PDE1A: variants seen among roughly 807,000 people sequenced by gnomAD.
PDE1A encodes dual specificity calcium/calmodulin-dependent 3',5'-cyclic nucleotide phosphodiesterase 1A.
Under a neutral mutation model 61.7 loss-of-function variants are expected in PDE1A, and 35 were observed. That is an observed-to-expected ratio of 0.57 (90% CI 0.43 to 0.75). The LOEUF is 0.75. PDE1A is among the 30% of genes least tolerant of loss of function. The pLI, the probability that PDE1A is intolerant of heterozygous loss-of-function variation, is 0.00. For synonymous variants in PDE1A, 232 were observed against 213.2 expected, an observed-to-expected ratio of 1.09 and a Z score of -0.77; for missense variants, 597 against 630.6, an observed-to-expected ratio of 0.95 and a Z score of 0.57.
At chr2:182,176,323 A>C (rs1692780929) in intron 13 of PDE1A, among the ~76,000 whole-genome samples, 1 of 149,272 alleles carries the variant, frequency 6.7e-6, no homozygotes, top group Non-Finnish European at 1.5e-5. Context: ...ATGAGCATGG[A>C]ATGTTCTTCC....
intron 1 of PDE1A, among the ~76,000 whole-genome samples, chr2:182,411,112 T>A (rs1373325838): frequency 6.6e-6 from 1 of 152,358 alleles, no homozygotes; most frequent in African/African-American, 2.4e-5. Context: ...GCCAACACCC[T>A]AGAAGACCCT....
chr2:182,333,648 C>T (rs1464494757), intron 1 of PDE1A, among the ~76,000 whole-genome samples: 1 of 151,962 alleles, frequency 6.6e-6, no homozygotes, highest in Non-Finnish European at 1.5e-5. Context: ...AAATCAACAT[C>T]CTAACATCAC....
intron 1 of PDE1A, among the ~76,000 whole-genome samples, chr2:182,413,908 T>C (rs1702765445): frequency 6.6e-6 from 1 of 152,166 alleles, no homozygotes; most frequent in African/African-American, 2.4e-5. Context: ...GAGATAAGCA[T>C]GTGCTTCTGA....
chr2:182,448,924 C>T (rs1685315835), intron 2 of PDE1A, among the ~76,000 whole-genome samples: 1 of 151,832 alleles, frequency 6.6e-6, no homozygotes, highest in Non-Finnish European at 1.5e-5. Flanking sequence ...AAGCAATATC[C>T]TTTTACTCTA....
intron 2 of PDE1A, among the ~76,000 whole-genome samples, chr2:182,463,207 C>G (rs1024796526): frequency 2.0e-5 from 3 of 150,852 alleles, no homozygotes; most frequent in African/African-American, 7.3e-5. Context: ...CCACTGCACT[C>G]CAGCCTGGGT....
chr2:182,670,226 C>T, the PDE1A span, among the ~76,000 whole-genome samples: 1 of 152,178 alleles, frequency 6.6e-6, no homozygotes. Flanking sequence ...GTTTACCCTA[C>T]ACCTGTTTAG....
intron 1 of PDE1A, among the ~76,000 whole-genome samples, chr2:182,276,829 G>A (rs1693449799): frequency 1.3e-5 from 2 of 152,008 alleles, no homozygotes; most frequent in South Asian, 4.2e-4. Context: ...CGTTGGGGGA[G>A]GTCTATAAAC....
chr2:182,652,565 A>T, the PDE1A span, among the ~76,000 whole-genome samples: 1 of 152,132 alleles, frequency 6.6e-6, no homozygotes, highest in Non-Finnish European at 1.5e-5. Context: ...CAGCCGGATA[A>T]AAAGGTATAG....
intron 2 of PDE1A, among the ~76,000 whole-genome samples, chr2:182,493,625 A>G (rs1199362175): frequency 2.0e-5 from 3 of 152,212 alleles, no homozygotes; most frequent in Non-Finnish European, 2.9e-5. Context: ...CACATGCACA[A>G]GTATGTTTAT....
rs144447799 is a variant in PDE1A at position 182,507,121 on chromosome 2, A to G, written c.101+15155T>C. 1.5e-3 allele frequency among the ~76,000 whole-genome samples: 221 copies of G among 152,302 alleles called. 2 individuals are homozygous for G. Among genetic ancestry groups the G allele is most frequent in the African/African-American group, 5.1e-3 (212 of 41,564 alleles). ...CTCAATGTTTATTTTCGTAAGCTCT[A>G]AAATATTTACTAATTGGCTATTAGT... is the stretch of plus-strand genomic sequence containing the variant. On this transcript the variant is annotated intron_variant, in intron 2 of 14. Coordinates refer to the PDE1A transcript ENST00000410103.
the PDE1A span, among the ~76,000 whole-genome samples, chr2:182,586,707 A>G: frequency 6.6e-6 from 1 of 152,200 alleles, no homozygotes. Flanking sequence ...AAACGTCTTC[A>G]GACATTGCTG....
At chr2:182,341,301 C>T (rs932024166) in intron 1 of PDE1A, among the ~76,000 whole-genome samples, 5 of 152,228 alleles carry the variant, frequency 3.3e-5, no homozygotes, top group Non-Finnish European at 5.9e-5. Flanking sequence ...AGATTTCTAA[C>T]TCCTCATCCA....
chr2:182,538,040 T>G, the PDE1A span, among the ~76,000 whole-genome samples: 1 of 152,164 alleles, frequency 6.6e-6, no homozygotes, highest in Non-Finnish European at 1.5e-5. Flanking sequence ...ACTGATTTGG[T>G]CCAGCCACAC....
At chr2:182,386,705 G>A (rs910178483) in intron 1 of PDE1A, among the ~76,000 whole-genome samples, 4 of 152,122 alleles carry the variant, frequency 2.6e-5, no homozygotes, top group African/African-American at 7.2e-5. Context: ...CCCCGTCTGG[G>A]AAGTGAGGAG....
At chr2:182,232,884 G>A (rs1370085295) in intron 4 of PDE1A, among the ~76,000 whole-genome samples, 1 of 152,132 alleles carries the variant, frequency 6.6e-6, no homozygotes, top group Non-Finnish European at 1.5e-5. Flanking sequence ...TATAAACCCT[G>A]ATGATTTACA....
chr2:182,442,996 T>A (rs994299246), intron 2 of PDE1A, among the ~76,000 whole-genome samples: 27 of 152,058 alleles, frequency 1.8e-4, no homozygotes, highest in Non-Finnish European at 5.9e-5. Context: ...TCTGTGAATA[T>A]GTTGAGTAAT....
At chr2:182,641,767 GT>G in the PDE1A span, among the ~76,000 whole-genome samples, 1 of 152,052 alleles carries the variant, frequency 6.6e-6, no homozygotes, top group South Asian at 2.1e-4. Flanking sequence ...CATATTTATT[GT>G]TACTATTCTT....
chr2:182,531,208 A>G, the PDE1A span, among the ~76,000 whole-genome samples: 5 of 151,976 alleles, frequency 3.3e-5, no homozygotes, highest in Non-Finnish European at 5.9e-5. Flanking sequence ...TAGGAAGACA[A>G]AAGAAAGAAA....
chr2:182,533,685 T>A, the PDE1A span, among the ~76,000 whole-genome samples: 1 of 152,136 alleles, frequency 6.6e-6, no homozygotes, highest in African/African-American at 2.4e-5. Flanking sequence ...ATAATTACAA[T>A]GGAATATCAA....
Sources: allele counts gnomAD v4.1 joint callset (sites outside exome capture counted in the v4.1 genomes callset), GRCh38; gene constraint gnomAD v4.1.1; transcripts MANE v1.5; gene names NCBI Gene and HGNC (gene_info 2026-07-23, HGNC 2026-07-21).